Variants in FAT3 observed in about 807,000 individuals in gnomAD.
FAT3 encodes the protein FAT atypical cadherin 3, also known as protocadherin Fat 3.
In FAT3, 95 loss-of-function variants were observed where a neutral mutation model predicts 310.2. That is an observed-to-expected ratio of 0.31 (90% CI 0.26 to 0.36). FAT3 has a LOEUF of 0.36. Ranked by LOEUF, FAT3 falls within the 10% of genes least tolerant of loss-of-function variation. The pLI is 1.00. For synonymous variants in FAT3, 2,314 were observed against 2,192.9 expected (o/e 1.06, Z -1.54); for missense variants, 5,408 against 5,715.6 (o/e 0.95, Z 1.74).
intron 2 of FAT3, chr11:92,367,203 C>T: frequency 3.1e-6 from 1 of 326,382 alleles, no homozygotes; most frequent in Non-Finnish European, 6.1e-6. Flanking sequence ...TCTCCAGGTT[C>T]CACATGCTCT....
chr11:92,640,762 G>T (rs1336787873), intron 3 of FAT3, among the ~76,000 whole-genome samples: 1 of 152,100 alleles, frequency 6.6e-6, no homozygotes, highest in Non-Finnish European at 1.5e-5. Context: ...GCCCTGTATT[G>T]TTTTCTTTCT....
chr11:92,854,435 G>T (rs547610134), intron 19 of FAT3, among the ~76,000 whole-genome samples: 5 of 152,158 alleles, frequency 3.3e-5, no homozygotes, highest in African/African-American at 9.7e-5. Flanking sequence ...CACCAGCCCC[G>T]TGGAGCATGC....
At chr11:92,563,022 T>C (rs1955289980) in intron 3 of FAT3, among the ~76,000 whole-genome samples, 1 of 152,190 alleles carries the variant, frequency 6.6e-6, no homozygotes, top group Non-Finnish European at 1.5e-5. Flanking sequence ...TATAGTGCTA[T>C]AGTACATATG....
chr11:92,510,979 G>C (rs965223117), intron 2 of FAT3, among the ~76,000 whole-genome samples: 2 of 152,246 alleles, frequency 1.3e-5, no homozygotes, highest in Non-Finnish European at 1.5e-5. Flanking sequence ...CTGTGGATGA[G>C]AGCCCATCTA....
chr11:92,597,672 C>T (rs1939780910), intron 3 of FAT3, among the ~76,000 whole-genome samples: 1 of 152,124 alleles, frequency 6.6e-6, no homozygotes, highest in African/African-American at 2.4e-5. Context: ...GCTTCTATTA[C>T]ATATTATTAA....
chr11:92,775,810 C>G (rs1211964635), intron 7 of FAT3, among the ~76,000 whole-genome samples: 1 of 152,028 alleles, frequency 6.6e-6, no homozygotes, highest in Non-Finnish European at 1.5e-5. Flanking sequence ...GGTCGAGGAC[C>G]CCATTAACTC....
intron 1 of FAT3, among the ~76,000 whole-genome samples, chr11:92,310,008 T>G (rs1947257114): frequency 6.6e-6 from 1 of 152,072 alleles, no homozygotes; most frequent in African/African-American, 2.4e-5. Context: ...CCTTGGCAAT[T>G]TTTTGACTAT....
At chr11:92,336,199 C>T (rs1054964100) in intron 1 of FAT3, 21 of 569,152 alleles carry the variant, frequency 3.7e-5, no homozygotes, top group African/African-American at 3.6e-4. Flanking sequence ...CTGCCAAGGA[C>T]CGGGACAATG....
chr11:92,780,834 C>T (rs1410129312), intron 7 of FAT3, among the ~76,000 whole-genome samples: 1 of 152,122 alleles, frequency 6.6e-6, no homozygotes, highest in African/African-American at 2.4e-5. Flanking sequence ...CTTCAACCCA[C>T]TGAGCTTTTG....
At chr11:92,584,738 G>A (rs551860951) in intron 3 of FAT3, among the ~76,000 whole-genome samples, 1 of 152,112 alleles carries the variant, frequency 6.6e-6, no homozygotes, top group South Asian at 2.1e-4. Flanking sequence ...CTTCACTGAG[G>A]TCTGTGTGGT....
chr11:92,410,222 T>C (rs912968402), intron 2 of FAT3, among the ~76,000 whole-genome samples: 3 of 152,174 alleles, frequency 2.0e-5, no homozygotes, highest in Non-Finnish European at 4.4e-5. Context: ...TGTGCTATTT[T>C]CTGCACTGCC....
chr11:92,388,250 T>G (rs1490356535), intron 2 of FAT3, among the ~76,000 whole-genome samples: 1 of 152,188 alleles, frequency 6.6e-6, no homozygotes, highest in African/African-American at 2.4e-5. Context: ...ACCTTGTGGC[T>G]GAATCTATCT....
chr11:92,445,948 G>T (rs966989443), intron 2 of FAT3, among the ~76,000 whole-genome samples: 4 of 152,158 alleles, frequency 2.6e-5, no homozygotes, highest in African/African-American at 9.6e-5. Flanking sequence ...AGAGCAAAAA[G>T]TCAGATGCTA....
At chr11:92,314,037 T>C (rs1235106895) in intron 1 of FAT3, among the ~76,000 whole-genome samples, 1 of 152,246 alleles carries the variant, frequency 6.6e-6, no homozygotes, top group Non-Finnish European at 1.5e-5. Flanking sequence ...TTGTTTGTTA[T>C]GAATGTGGTC....
Position 92,515,715 on chromosome 11 carries a change from T to C in FAT3, c.3293-8919T>C, listed in dbSNP as rs534228359. 5.1e-3 allele frequency among the ~76,000 whole-genome samples: 782 copies of C among 152,178 alleles called. 5 individuals carry two copies. Among genetic ancestry groups the C allele is most frequent in the Non-Finnish European group, 9.2e-3 (628 of 67,968 alleles). On this transcript the variant is annotated intron_variant, in intron 2 of 27. Coordinates refer to ENST00000525166, the MANE Select transcript of FAT3 (RefSeq NM_001367949.2). The stretch of plus-strand genomic sequence containing the variant: ...GTAACTGCCTCATGAGTGCTTACAG[T>C]AATAAATATTTGTTGAATGAATGAG...
chr11:92,291,644 T>TC (rs1372423699), intron 1 of FAT3, among the ~76,000 whole-genome samples: 1 of 152,092 alleles, frequency 6.6e-6, no homozygotes, highest in African/African-American at 2.4e-5. Flanking sequence ...ATTTCTGCTT[T>TC]CCTAGGCCTG....
intron 4 of FAT3, among the ~76,000 whole-genome samples, chr11:92,749,543 C>G (rs1317061672): frequency 6.6e-6 from 1 of 152,184 alleles, no homozygotes; most frequent in Admixed American, 6.5e-5. Flanking sequence ...CTCTTAACAT[C>G]TAGTGACTCT....
At chr11:92,885,685 A>T (rs559012791) in intron 24 of FAT3, among the ~76,000 whole-genome samples, 1 of 152,202 alleles carries the variant, frequency 6.6e-6, no homozygotes, top group Admixed American at 6.5e-5. Flanking sequence ...GCAATAAAAA[A>T]GGGGGGAGTT....
chr11:92,890,774 A>G lies in FAT3; in HGVS notation c.13431A>G (p.Thr4477=), dbSNP rs570123938. The G allele has an allele frequency of 6.2e-7, 1 of 1,613,740 alleles. No homozygotes were observed. Among genetic ancestry groups the G allele is most frequent in the Non-Finnish European group, 8.5e-7 (1 of 1,179,850 alleles). Residue 4477 remains threonine, a synonymous_variant, in exon 28 of 28, where the codon ACA becomes ACG. Coordinates refer to ENST00000525166, the MANE Select transcript of FAT3 (RefSeq NM_001367949.2). ...CCCAGCCTGTCTCCCTGGCCAGCAC[A>G]CTGAGCCCAGACTGCAGGAGAAGGC... ...PPSQPVSLAS[T]LSPDCRRRPQ... is the part of the protein sequence containing the mutation.
Sources: gnomAD v4.1 joint callset for allele counts (sites outside exome capture counted in the v4.1 genomes callset) on GRCh38, gnomAD v4.1.1 for gene constraint, MANE v1.5 for transcripts, NCBI Gene and HGNC (gene_info 2026-07-23, HGNC 2026-07-21) for gene names.